Variants in KIAA0319 observed in about 807,000 individuals in gnomAD.
KIAA0319 encodes dyslexia-associated protein KIAA0319.
In KIAA0319, 83 loss-of-function variants were observed where a neutral mutation model predicts 108.4. The observed-to-expected ratio is 0.77, with a 90% CI of 0.64 to 0.92. The LOEUF (loss-of-function observed/expected upper bound fraction) is 0.92. KIAA0319 is among the 40% of genes least tolerant of loss of function. The pLI, the probability that KIAA0319 is intolerant of heterozygous loss-of-function variation, is 0.00. For missense variants in KIAA0319, 1,195 were observed against 1,322.4 expected, an observed-to-expected ratio of 0.90 and a Z score of 1.49; for synonymous variants, 484 against 510.4, an observed-to-expected ratio of 0.95 and a Z score of 0.70.
Position 24,551,526 on chromosome 6 carries a change from C to A in KIAA0319, c.2949-1G>T. On this transcript the variant is annotated splice_acceptor_variant, in intron 19 of 20. Coordinates refer to ENST00000378214, the MANE Select transcript of KIAA0319 (RefSeq NM_014809.4). LOFTEE classifies it high-confidence loss of function. ...TTTCCTGATTTTAGTCCTTTTTTGT[C>A]TGAAAGGAACAATGAAAAGCTCAAC... 6.3e-7 allele frequency: 1 copy of A among 1,578,628 alleles called. No individual in the cohort carries two copies. The highest frequency in any genetic ancestry group is 8.7e-7 in the Non-Finnish European group (1 of 1,147,660).
downstream of KIAA0319, among the ~76,000 whole-genome samples, chr6:24,540,622 A>G (rs960821668): frequency 2.0e-5 from 3 of 149,602 alleles, no homozygotes; most frequent in Admixed American, 6.7e-5. Flanking sequence ...CTAGGGACCA[A>G]TTAGTTGGAG....
At chr6:24,642,585 C>T (rs1777111725) in intron 1 of KIAA0319, among the ~76,000 whole-genome samples, 1 of 152,182 alleles carries the variant, frequency 6.6e-6, no homozygotes, top group South Asian at 2.1e-4. Flanking sequence ...AGTTAATTTA[C>T]CCTCCATGCT....
chr6:24,602,421 T>C (rs1315871910), intron 1 of KIAA0319, among the ~76,000 whole-genome samples: 3 of 152,246 alleles, frequency 2.0e-5, no homozygotes, highest in African/African-American at 7.2e-5. Context: ...GATGGCATTG[T>C]TTATGCATGC....
At chr6:24,579,072 T>C (rs10946706) in intron 8 of KIAA0319, among the ~76,000 whole-genome samples, 1 of 152,344 alleles carries the variant, frequency 6.6e-6, no homozygotes, top group South Asian at 2.1e-4. Context: ...AGTATTCTTC[T>C]TCCAACAACC....
At chr6:24,622,265 C>T (rs932551261) in intron 1 of KIAA0319, among the ~76,000 whole-genome samples, 4 of 149,750 alleles carry the variant, frequency 2.7e-5, no homozygotes, top group Non-Finnish European at 4.4e-5. Context: ...TCAGTGGAGC[C>T]CCTCACAGAT....
At chr6:24,624,908 A>T (rs1043632142) in intron 1 of KIAA0319, among the ~76,000 whole-genome samples, 1 of 152,164 alleles carries the variant, frequency 6.6e-6, no homozygotes. Context: ...GCCCAGCCTT[A>T]AGAGTTGTAC....
At chr6:24,575,740 C>T (rs1239177299) in intron 10 of KIAA0319, among the ~76,000 whole-genome samples, 4 of 151,698 alleles carry the variant, frequency 2.6e-5, no homozygotes, top group East Asian at 3.9e-4. Flanking sequence ...ATGTAAGGTC[C>T]TATCTTTTTT....
chr6:24,552,756 C>A (rs1204457425), intron 19 of KIAA0319, among the ~76,000 whole-genome samples: 2 of 152,150 alleles, frequency 1.3e-5, no homozygotes, highest in African/African-American at 2.4e-5. Flanking sequence ...CAGGCATGCA[C>A]CACCACGCCC....
intron 3 of KIAA0319, among the ~76,000 whole-genome samples, chr6:24,595,242 G>A (rs977750030): frequency 7.2e-5 from 11 of 151,980 alleles, no homozygotes; most frequent in Non-Finnish European, 1.5e-4. Flanking sequence ...ACCATCTCCC[G>A]TTGCCTTAAA....
At position 24,564,190 on chromosome 6, in the gene KIAA0319, C is replaced by T; in HGVS notation, c.2431+12G>A. The T allele has an allele frequency of 6.2e-7, 1 of 1,614,036 alleles. No homozygotes were observed. Among genetic ancestry groups the T allele is most frequent in the Non-Finnish European group, 8.5e-7 (1 of 1,179,980 alleles). Reference sequence around the variant, plus strand: ...GAGCCTGCATGGCCAGCTCCAGAGCCCAGGAACTCACCTGGCTGCACTTCC... The same window carrying T: ...GAGCCTGCATGGCCAGCTCCAGAGCTCAGGAACTCACCTGGCTGCACTTCC... On this transcript the variant is annotated intron_variant, in intron 15 of 20. Transcript: ENST00000378214.
chr6:24,598,910 A>G, intron 2 of KIAA0319: 1 of 430,016 alleles, frequency 2.3e-6, no homozygotes, highest in Non-Finnish European at 4.3e-6. Flanking sequence ...AAATAATTTT[A>G]GCGATGGAGA....
intron 7 of KIAA0319, 48 bp downstream of exon 7, chr6:24,580,878 T>C (rs768091475): frequency 3.9e-6 from 5 of 1,290,804 alleles, no homozygotes; most frequent in Middle Eastern, 1.9e-4. Flanking sequence ...GCACCAAAAA[T>C]TGAGATAAAT....
intron 2 of KIAA0319, chr6:24,598,147 A>G: frequency 6.7e-6 from 3 of 450,630 alleles, no homozygotes; most frequent in Admixed American, 2.7e-5. Context: ...CAGCAGCAGC[A>G]GCTTCCAAGG....
chr6:24,562,630 A>G (rs1763258674), intron 16 of KIAA0319, among the ~76,000 whole-genome samples: 1 of 152,198 alleles, frequency 6.6e-6, no homozygotes, highest in Admixed American at 6.5e-5. Flanking sequence ...ACTTGAGGTC[A>G]GGAGTTTGAG....
intron 1 of KIAA0319, among the ~76,000 whole-genome samples, chr6:24,616,259 A>G (rs923810060): frequency 1.3e-5 from 2 of 152,254 alleles, no homozygotes; most frequent in Non-Finnish European, 2.9e-5. Flanking sequence ...GGTATCCTTA[A>G]AATTCATATA....
At chr6:24,588,890 G>T in intron 3 of KIAA0319, 105 bp from the exon 4 acceptor site, 1 of 935,642 alleles carries the variant, frequency 1.1e-6, no homozygotes, top group Non-Finnish European at 1.6e-6. Flanking sequence ...CTTTGGTAAT[G>T]TTTGAAAAAC....
intron 6 of KIAA0319, among the ~76,000 whole-genome samples, 183 bp from the exon 7 acceptor site, chr6:24,581,196 A>C (rs1049091698): frequency 6.6e-6 from 1 of 152,242 alleles, no homozygotes; most frequent in South Asian, 2.1e-4. Flanking sequence ...ATTCTGGAGC[A>C]CTAAAGATCA....
chr6:24,619,521 A>C (rs1773627345), intron 1 of KIAA0319, among the ~76,000 whole-genome samples: 1 of 152,198 alleles, frequency 6.6e-6, no homozygotes, highest in African/African-American at 2.4e-5. Flanking sequence ...TGAATAGGCC[A>C]CAGGATAAAT....
chr6:24,629,577 AC>A (rs1405038137), intron 1 of KIAA0319, among the ~76,000 whole-genome samples: 4 of 151,392 alleles, frequency 2.6e-5, no homozygotes, highest in African/African-American at 9.7e-5. Context: ...AGCATAAGGT[AC>A]TGTACAGCTA....
Sources: allele counts gnomAD v4.1 joint callset (sites outside exome capture counted in the v4.1 genomes callset), GRCh38; gene constraint gnomAD v4.1.1; transcripts MANE v1.5; gene names NCBI Gene and HGNC (gene_info 2026-07-23, HGNC 2026-07-21).